The following TG variants were observed in gnomAD, a reference collection of about 807,000 sequenced individuals.
TG encodes thyroid hormones.
In TG, 270 loss-of-function variants were observed where a neutral mutation model predicts 324.7. The observed-to-expected ratio is 0.83, with a 90% CI of 0.75 to 0.92. The LOEUF (loss-of-function observed/expected upper bound fraction) is 0.92, where lower values mean the gene tolerates loss of function less well. Among genes scored for constraint, TG ranks in the 40% least tolerant of loss-of-function variants. TG has a pLI of 0.00. For synonymous variants in TG, 1,401 were observed against 1,327.0 expected (o/e 1.06, Z -1.21); for missense variants, 3,591 against 3,456.4 (o/e 1.04, Z -0.98).
intron 30 of TG, 38 bp downstream of exon 30, chr8:132,966,735 A>C: frequency 6.2e-7 from 1 of 1,613,002 alleles, no homozygotes; most frequent in Non-Finnish European, 8.5e-7. Context: ...TCTTCCAGAC[A>C]CTGTAGTCAG....
chr8:132,884,333 C>T lies in TG; in HGVS notation c.1075+1334C>T, dbSNP rs529042972. Among the ~76,000 whole-genome samples the T allele has an allele frequency of 1.1e-4, 17 of 152,272 alleles. 1 individual carries two copies. In the South Asian group the frequency reaches 3.5e-3, roughly 32 times the overall value. Reference sequence around the variant, plus strand: ...TTCGAGCCAGACCCCATTTTCTCCTCCTGGTGAAATTTTGAAGGATGTTAT... The same window carrying T: ...TTCGAGCCAGACCCCATTTTCTCCTTCTGGTGAAATTTTGAAGGATGTTAT... On this transcript the variant is annotated intron_variant, in intron 8 of 47. Transcript: ENST00000220616.
chr8:133,042,799 T>C (rs1199797427), intron 41 of TG, among the ~76,000 whole-genome samples: 1 of 147,834 alleles, frequency 6.8e-6, no homozygotes, highest in Non-Finnish European at 1.5e-5. Context: ...GTTCAAGTGA[T>C]TCCCCTGCCT....
At chr8:132,935,647 C>T (rs928182457) in intron 24 of TG, 109 bp from the exon 25 acceptor site, 12 of 976,868 alleles carry the variant, frequency 1.2e-5, no homozygotes, top group East Asian at 5.1e-5. Flanking sequence ...GAGCAACTAA[C>T]TTACCTTTGT....
chr8:133,106,378 T>C, intron 43 of TG: 1 of 984,988 alleles, frequency 1.0e-6, no homozygotes, highest in African/African-American at 1.7e-5. Context: ...ACACCCAGCC[T>C]GGCCTGCTCT....
chr8:132,929,590 A>G (rs1269716267), intron 23 of TG, among the ~76,000 whole-genome samples: 3 of 150,358 alleles, frequency 2.0e-5, no homozygotes, highest in Admixed American at 1.4e-4. Context: ...TAAACTGGCC[A>G]TTGCTATCCT....
intron 41 of TG, among the ~76,000 whole-genome samples, chr8:133,089,104 C>T (rs1284952175): frequency 1.3e-5 from 2 of 152,150 alleles, no homozygotes; most frequent in Admixed American, 1.3e-4. Flanking sequence ...GGAGACATGG[C>T]ACTCTGGGTC....
In TG at chr8:133,096,388, G is replaced by T. The variant is rs759337387; in HGVS notation, c.7572+15G>T. ...AGGCTGTGAAGGTAAGCAGGGAGGG[G>T]GCCTCGGATGTCTCCAGCTGGGCAT... On this transcript the variant is annotated intron_variant, in intron 43 of 47. Coordinates refer to ENST00000220616, the MANE Select transcript of TG (RefSeq NM_003235.5). 1.7e-5 allele frequency: 27 copies of T among 1,613,940 alleles called. No homozygotes were observed. Among genetic ancestry groups the T allele is most frequent in the Non-Finnish European group, 2.3e-5 (27 of 1,179,948 alleles).
At chr8:133,125,258 A>G (rs369544370) in intron 45 of TG, among the ~76,000 whole-genome samples, 30 of 152,208 alleles carry the variant, frequency 2.0e-4, no homozygotes, top group African/African-American at 5.8e-4. Context: ...AATAGACAAT[A>G]CACACATCAA....
chr8:132,893,466 GGTGT>G (rs1195784206), intron 10 of TG, among the ~76,000 whole-genome samples: 2 of 115,740 alleles, frequency 1.7e-5, no homozygotes, highest in Non-Finnish European at 3.5e-5. Flanking sequence ...TATGGGGGGT[GGTGT>G]GTATGTGTGT....
intron 41 of TG, 100 bp downstream of exon 41, chr8:133,030,123 T>A: frequency 6.9e-7 from 1 of 1,447,950 alleles, no homozygotes; most frequent in Non-Finnish European, 9.7e-7. Context: ...ATTGCTTGGG[T>A]TTCCCTTGTC....
chr8:133,108,063 G>C (rs2131730864), intron 43 of TG, among the ~76,000 whole-genome samples: 1 of 147,638 alleles, frequency 6.8e-6, no homozygotes, highest in South Asian at 2.1e-4. Context: ...CTCACTGCAA[G>C]CTCTGTCTGC....
In TG at chr8:133,116,701, A is replaced by T. The variant is rs10091530; in HGVS notation, c.7847A>T (p.Asn2616Ile). The part of the protein sequence containing the change: ...GNVFMYHAPE[N>I]YGHGSLELLA... Reference sequence around the variant, plus strand: ...GTCTTCATGTACCATGCTCCTGAAAACTACGGCCATGGCAGGTAAGACGCT... The same window carrying T: ...GTCTTCATGTACCATGCTCCTGAAATCTACGGCCATGGCAGGTAAGACGCT... The change falls in exon 45 of 48, where the codon AAC (asparagine) becomes ATC (isoleucine). Residue 2616 changes from asparagine (N) to isoleucine (I), a missense_variant. Transcript: ENST00000220616. 8.0e-4 allele frequency: 1,294 copies of T among 1,614,146 alleles called. 24 individuals are homozygous for T. In the East Asian group the frequency reaches 0.027, roughly 33 times the overall value.
At chr8:133,060,264 C>T (rs1413629722) in intron 41 of TG, 2 of 1,607,110 alleles carry the variant, frequency 1.2e-6, no homozygotes, top group Non-Finnish European at 1.7e-6. Flanking sequence ...TGGAGAATGA[C>T]CCAGTTTAGA....
At chr8:132,929,298 A>G in intron 23 of TG, 106 bp downstream of exon 23, 1 of 858,140 alleles carries the variant, frequency 1.2e-6, no homozygotes, top group East Asian at 2.5e-5. Flanking sequence ...ATAATTTAAA[A>G]ACATACTTTA....
Position 132,932,558 on chromosome 8 carries a change from A to T in TG, c.4817-1003A>T, listed in dbSNP as rs1387074028. On this transcript the variant is annotated intron_variant, in intron 23 of 47. Transcript: ENST00000220616. ...ATATATGTGAAAGTGCTTTGTAATG[A>T]TAAATGTGTAAGTGTATGCTTTTTC... Among the ~76,000 whole-genome samples, 4 of 152,212 alleles carry T rather than the reference A, an allele frequency of 2.6e-5. No individual in the cohort carries two copies. The East Asian group carries it at 7.7e-4, about 29-fold the overall frequency.
intron 6 of TG, 123 bp from the exon 7 acceptor site, chr8:132,882,346 G>T: frequency 2.5e-6 from 3 of 1,181,654 alleles, no homozygotes; most frequent in Non-Finnish European, 3.8e-6. Context: ...TTAAAGTGTT[G>T]TTCAGACTTA....
At chr8:133,055,898 G>A (rs1038660460) in intron 41 of TG, among the ~76,000 whole-genome samples, 3 of 152,096 alleles carry the variant, frequency 2.0e-5, no homozygotes, top group African/African-American at 7.2e-5. Context: ...GGGGAATCAG[G>A]CACTGGGCTG....
chr8:133,053,211 C>T (rs1183358701), intron 41 of TG, among the ~76,000 whole-genome samples: 1 of 152,194 alleles, frequency 6.6e-6, no homozygotes, highest in East Asian at 1.9e-4. Context: ...AATTCTTCCT[C>T]TTGGCCCCTA....
At position 132,888,158 on chromosome 8, in the gene TG, T is replaced by C. The variant is rs759314482; in HGVS notation, c.2351T>C (p.Leu784Ser). The C allele has an allele frequency of 1.2e-6, 2 of 1,614,100 alleles. No homozygotes were observed. The highest frequency in any genetic ancestry group is 1.7e-6 in the Non-Finnish European group (2 of 1,179,996). Reference sequence around the variant, plus strand: ...GGGCCTCCTGAGCAGGTCTTCGAGTTGTACCAACGATGGGAGGCTCAGAAC... The same window carrying C: ...GGGCCTCCTGAGCAGGTCTTCGAGTCGTACCAACGATGGGAGGCTCAGAAC... ...CNGPPEQVFE[L>S]YQRWEAQNKG... Residue 784 changes from leucine to serine, a missense_variant, in exon 10 of 48, where the codon TTG becomes TCG. Coordinates refer to ENST00000220616, the MANE Select transcript of TG (RefSeq NM_003235.5).
Sources: allele counts gnomAD v4.1 joint callset (sites outside exome capture counted in the v4.1 genomes callset), GRCh38; gene constraint gnomAD v4.1.1; transcripts MANE v1.5; gene names NCBI Gene and HGNC (gene_info 2026-07-23, HGNC 2026-07-21).